The following MMUT variants were observed in gnomAD, a reference collection of about 807,000 sequenced individuals.
The protein encoded by MMUT is methylmalonyl-CoA mutase, mitochondrial.
A neutral mutation model predicts 79.9 loss-of-function variants in MMUT; 79 were observed. The ratio of observed to expected loss-of-function variants is 0.99; its 90% CI spans 0.82 to 1.19. MMUT has a LOEUF of 1.19. MMUT is among the 50% of genes most tolerant of loss of function. MMUT has a pLI of 0.00. For synonymous variants in MMUT, 273 were observed against 295.7 expected (o/e 0.92, Z 0.79); for missense variants, 860 against 917.2 (o/e 0.94, Z 0.81).
intron 11 of MMUT, among the ~76,000 whole-genome samples, chr6:49,438,918 G>C (rs1158106682): frequency 1.3e-5 from 2 of 152,116 alleles, no homozygotes; most frequent in Non-Finnish European, 2.9e-5. Flanking sequence ...TGGGAACTCG[G>C]ACTGGCTCTC....
chr6:49,440,119 C>T, intron 11 of MMUT, 87 bp downstream of exon 11: 1 of 1,528,446 alleles, frequency 6.5e-7, no homozygotes, highest in East Asian at 2.2e-5. Context: ...TATTAATTTG[C>T]TCAATGTCTG....
chr6:49,438,563 G>A (rs1455925256), intron 11 of MMUT, among the ~76,000 whole-genome samples: 1 of 152,092 alleles, frequency 6.6e-6, no homozygotes, highest in African/African-American at 2.4e-5. Flanking sequence ...TTAAAAGTCT[G>A]AAAGATTAAT....
At chr6:49,453,528 GAAA>G (rs578109174) in intron 5 of MMUT, 54 bp downstream of exon 5, 1 of 985,896 alleles carries the variant, frequency 1.0e-6, no homozygotes, top group African/African-American at 1.7e-5. Flanking sequence ...ACATTGCTCA[GAAA>G]AAATATATAT....
chr6:49,443,690 C>A (rs940191493), intron 9 of MMUT: 1 of 278,054 alleles, frequency 3.6e-6, no homozygotes, highest in South Asian at 3.2e-5. Context: ...AAAATTAACA[C>A]ATTAAGTGCC....
intron 9 of MMUT, 84 bp from the exon 10 acceptor site, chr6:49,442,055 C>T: frequency 7.5e-7 from 1 of 1,336,302 alleles, no homozygotes; most frequent in Non-Finnish European, 1.1e-6. Flanking sequence ...TATAATTAAA[C>T]ATTTTATTAC....
chr6:49,453,853 A>G (rs1581832184), intron 4 of MMUT, 97 bp from the exon 5 acceptor site: 6 of 1,062,624 alleles, frequency 5.6e-6, no homozygotes, highest in Admixed American at 2.0e-5. Context: ...ATCAAGGTCT[A>G]TATTTTAATT....
At chr6:49,443,829 T>C (rs1040586332) in intron 9 of MMUT, 1 of 433,046 alleles carries the variant, frequency 2.3e-6, no homozygotes, top group Non-Finnish European at 4.6e-6. Context: ...AGATATAACA[T>C]GAGATTAGAT....
At chr6:49,434,115 C>A (rs1050984523) in intron 12 of MMUT, among the ~76,000 whole-genome samples, 1 of 152,128 alleles carries the variant, frequency 6.6e-6, no homozygotes. Context: ...TTGGTCCTTA[C>A]ATTTTAATAT....
rs753769272 is a variant in MMUT at position 49,459,344 on chromosome 6, T to C, written c.123A>G (p.Pro41=). ...RLLHQQQPLH[P]EWAALAKKQL... The stretch of plus-strand genomic sequence containing the variant: ...GCTTTTTAGCCAGGGCAGCCCATTC[T>C]GGGTGAAGGGGCTGTTGCTGGTGTA... The change falls in exon 2 of 13, where the codon CCA becomes CCG. Residue 41 remains proline (P), a synonymous_variant. Transcript: ENST00000274813. 4.3e-6 allele frequency: 7 copies of C among 1,613,966 alleles called. No individual in the cohort carries two copies. The African/African-American group carries it at 8.0e-5, about 18-fold the overall frequency.
At chr6:49,452,374 C>A (rs1161469014) in intron 5 of MMUT, among the ~76,000 whole-genome samples, 1 of 151,754 alleles carries the variant, frequency 6.6e-6, no homozygotes, top group Admixed American at 6.6e-5. Flanking sequence ...GCTCTGTTGC[C>A]CAGGCTGGAG....
intron 4 of MMUT, among the ~76,000 whole-genome samples, chr6:49,455,832 T>C (rs904459909): frequency 6.6e-6 from 1 of 152,206 alleles, no homozygotes; most frequent in Non-Finnish European, 1.5e-5. Flanking sequence ...TGTTAAAATG[T>C]GGAACTTAAT....
Position 49,430,483 on chromosome 6 carries a change from T to C in MMUT, c.*1245A>G, listed in dbSNP as rs559882082. On this transcript the variant is annotated 3_prime_UTR_variant, in exon 13 of 13. Coordinates refer to ENST00000274813, the MANE Select transcript of MMUT (RefSeq NM_000255.4). ...ACAAGGAAAAGTCAATAAAATGGCATAGTGAATATATCATTGGACTTGAAG... is the reference window on the plus strand; with the variant it reads ...ACAAGGAAAAGTCAATAAAATGGCACAGTGAATATATCATTGGACTTGAAG... The C allele has an allele frequency of 2.6e-5, 4 of 152,290 alleles. No individual in the cohort carries two copies. The highest frequency in any genetic ancestry group is 2.0e-4 in the Admixed American group (3 of 15,288). The allele number at this position is 152,290 out of a possible 1,614,324, so 9.4% of individuals were successfully genotyped here.
At chr6:49,445,006 A>AT (rs1413347941) in intron 8 of MMUT, among the ~76,000 whole-genome samples, 1 of 151,854 alleles carries the variant, frequency 6.6e-6, no homozygotes, top group Non-Finnish European at 1.5e-5. Context: ...ATGAAGGGCA[A>AT]TAATAGTGCT....
chr6:49,431,659 A>G lies in MMUT; in HGVS notation c.*69T>C, dbSNP rs560764129. 6.6e-7 allele frequency: 1 copy of G among 1,510,160 alleles called. No homozygotes were observed. Among genetic ancestry groups the G allele is most frequent in the Non-Finnish European group, 9.1e-7 (1 of 1,093,424 alleles). 93.5% of individuals were successfully genotyped at this position (1,510,160 alleles called of 1,614,324 possible). A position where few individuals can be genotyped will look rare whatever the true frequency, so the allele number is the denominator to read the frequency against. Reference sequence around the variant, plus strand: ...GGTATTGAAATTAAATTGAAGACATAGCTTTACTCTCTTCTTTGATCATAA... The same window carrying G: ...GGTATTGAAATTAAATTGAAGACATGGCTTTACTCTCTTCTTTGATCATAA... On this transcript the variant is annotated 3_prime_UTR_variant, in exon 13 of 13. Transcript: ENST00000274813.
chr6:49,460,077 T>C (rs191664745), intron 1 of MMUT, among the ~76,000 whole-genome samples: 156 of 152,178 alleles, frequency 1.0e-3, no homozygotes, highest in Non-Finnish European at 1.7e-3. Context: ...TTACCTACAG[T>C]TGGCTGCACA....
chr6:49,432,444 G>A (rs1767003750), intron 12 of MMUT, among the ~76,000 whole-genome samples: 1 of 151,940 alleles, frequency 6.6e-6, no homozygotes, highest in Non-Finnish European at 1.5e-5. Context: ...CTGGAGTGCA[G>A]TGGCGCTATC....
intron 4 of MMUT, among the ~76,000 whole-genome samples, chr6:49,455,347 T>A (rs896329360): frequency 6.6e-6 from 1 of 152,050 alleles, no homozygotes; most frequent in African/African-American, 2.4e-5. Flanking sequence ...ATAAAAACAG[T>A]TTTGATCTCA....
chr6:49,444,480 G>A (rs772422428), intron 9 of MMUT, among the ~76,000 whole-genome samples, 159 bp downstream of exon 9: 1 of 152,064 alleles, frequency 6.6e-6, no homozygotes. Context: ...TTTAAATACA[G>A]AAATTTTAAA....
rs1226807154 is a variant in MMUT, at chr6:49,462,309, CA to C, written c.-40+793del. ...TCAGTGAGAAAAAGATTTCTTGAAC[CA>C]ATAAGTTTCAAGCTTTGGCTGCTGA... On this transcript the variant is annotated intron_variant, in intron 1 of 12. Coordinates refer to ENST00000274813, the MANE Select transcript of MMUT (RefSeq NM_000255.4). Among the ~76,000 whole-genome samples the C allele has an allele frequency of 5.0e-4, 76 of 152,302 alleles. 1 individual carries two copies. The highest frequency in any genetic ancestry group is 1.2e-4 in the Non-Finnish European group (8 of 68,014).
Sources: allele counts gnomAD v4.1 joint callset (sites outside exome capture counted in the v4.1 genomes callset), GRCh38; gene constraint gnomAD v4.1.1; transcripts MANE v1.5; gene names NCBI Gene and HGNC (gene_info 2026-07-23, HGNC 2026-07-21).